Variants in GULP1 observed in about 807,000 individuals in gnomAD.
The protein encoded by GULP1 is GULP PTB domain containing engulfment adaptor 1, also known as PTB domain-containing engulfment adapter protein 1.
A neutral mutation model predicts 40.9 loss-of-function variants in GULP1; 19 were observed. The ratio of observed to expected loss-of-function variants is 0.46; its 90% CI spans 0.32 to 0.68. The LOEUF (loss-of-function observed/expected upper bound fraction) is 0.68, where lower values mean the gene tolerates loss of function less well. GULP1 is among the 30% of genes least tolerant of loss of function. The probability of loss-of-function intolerance (pLI) is 0.03; values close to 1 mark genes in which losing one functional copy is unlikely to be tolerated. For synonymous variants in GULP1, 119 were observed against 117.6 expected (o/e 1.01, Z -0.08); for missense variants, 312 against 362.2 (o/e 0.86, Z 1.12).
intron 1 of GULP1, among the ~76,000 whole-genome samples, chr2:188,316,230 C>G (rs2039062103): frequency 6.6e-6 from 1 of 152,118 alleles, no homozygotes; most frequent in African/African-American, 2.4e-5. Context: ...ATAAAACTGA[C>G]AAGTTTCATC....
intron 9 of GULP1, chr2:188,582,245 CA>C: frequency 2.5e-6 from 1 of 394,584 alleles, no homozygotes; most frequent in Non-Finnish European, 5.2e-6. Flanking sequence ...ATCATCTTAA[CA>C]AAACACCATT....
chr2:188,402,274 G>A (rs72909576), intron 2 of GULP1, among the ~76,000 whole-genome samples: 1,852 of 152,138 alleles, frequency 0.012, 15 homozygotes, highest in East Asian at 0.022. Context: ...TGTTCTTCAC[G>A]TTTTTGATCA....
At chr2:188,327,127 T>C (rs2040860861) in intron 1 of GULP1, among the ~76,000 whole-genome samples, 1 of 152,192 alleles carries the variant, frequency 6.6e-6, no homozygotes, top group African/African-American at 2.4e-5. Flanking sequence ...AGCACAAGTT[T>C]ACATTTTGCA....
At chr2:188,536,079 T>C (rs185571490) in intron 6 of GULP1, among the ~76,000 whole-genome samples, 31 of 152,288 alleles carry the variant, frequency 2.0e-4, no homozygotes, top group Non-Finnish European at 3.7e-4. Context: ...AAGTTTCTTA[T>C]AGAACCTGGG....
chr2:188,464,687 A>C (rs1040116044), intron 2 of GULP1, among the ~76,000 whole-genome samples: 1 of 152,094 alleles, frequency 6.6e-6, no homozygotes, highest in African/African-American at 2.4e-5. Flanking sequence ...TTGTTGTTCT[A>C]TTGTACTGTG....
chr2:188,374,319 T>C (rs2048011057), intron 1 of GULP1, among the ~76,000 whole-genome samples: 1 of 152,116 alleles, frequency 6.6e-6, no homozygotes, highest in Non-Finnish European at 1.5e-5. Context: ...CATTAGTAAA[T>C]AATACATACA....
chr2:188,534,990 A>G (rs919125613), intron 6 of GULP1, among the ~76,000 whole-genome samples: 6 of 151,492 alleles, frequency 4.0e-5, no homozygotes, highest in Admixed American at 4.0e-4. Flanking sequence ...ATTTCCTATT[A>G]TTAAGACTTT....
chr2:188,322,972 T>C (rs2040211248), intron 1 of GULP1, among the ~76,000 whole-genome samples: 1 of 152,150 alleles, frequency 6.6e-6, no homozygotes, highest in African/African-American at 2.4e-5. Flanking sequence ...CTCTACCATC[T>C]GCACTGTGCT....
At chr2:188,398,264 C>A (rs192499118) in intron 2 of GULP1, among the ~76,000 whole-genome samples, 14 of 152,082 alleles carry the variant, frequency 9.2e-5, no homozygotes, top group Middle Eastern at 3.2e-3. Flanking sequence ...TCTGGCTTCC[C>A]GAACTATGAG....
At chr2:188,546,648 A>T (rs538770108) in intron 7 of GULP1, among the ~76,000 whole-genome samples, 148 of 152,202 alleles carry the variant, frequency 9.7e-4, no homozygotes, top group Non-Finnish European at 1.6e-3. Context: ...CCCATCTCAA[A>T]TACACAGAAC....
rs76017243 is a variant in GULP1 at position 188,310,035 on chromosome 2, C to T, written c.-172+17869C>T. On this transcript the variant is annotated intron_variant, in intron 1 of 11. Coordinates refer to ENST00000409830, the MANE Select transcript of GULP1 (RefSeq NM_016315.4). ...GTTTTAAAGTAAACCTTCTATATTT[C>T]AGTTACAATGAGGCAATTTCAATCC... Among the ~76,000 whole-genome samples the T allele has an allele frequency of 5.9e-3, 903 of 152,228 alleles. 6 individuals carry two copies. The highest frequency in any genetic ancestry group is 0.02 in the African/African-American group (841 of 41,530).
At chr2:188,504,508 A>G (rs1396093035) in intron 4 of GULP1, among the ~76,000 whole-genome samples, 4 of 151,946 alleles carry the variant, frequency 2.6e-5, no homozygotes, top group African/African-American at 9.7e-5. Flanking sequence ...ATCAGAATAT[A>G]AAGGCAAAGG....
chr2:188,583,091 A>G (rs1701648798), intron 9 of GULP1, among the ~76,000 whole-genome samples: 1 of 152,168 alleles, frequency 6.6e-6, no homozygotes, highest in Non-Finnish European at 1.5e-5. Context: ...GTAGAGATAT[A>G]GAAGTGAGAG....
At chr2:188,356,571 A>G (rs937064093) in intron 1 of GULP1, among the ~76,000 whole-genome samples, 10 of 152,160 alleles carry the variant, frequency 6.6e-5, no homozygotes, top group Non-Finnish European at 1.2e-4. Flanking sequence ...ATCCATGTTT[A>G]TGGATTAACA....
intron 2 of GULP1, among the ~76,000 whole-genome samples, chr2:188,452,799 G>C (rs945526067): frequency 7.2e-5 from 11 of 152,000 alleles, no homozygotes; most frequent in African/African-American, 2.7e-4. Context: ...TGTTTCTAGA[G>C]GTAGAATTTG....
chr2:188,480,789 TTAAG>T (rs1259136430), intron 3 of GULP1, among the ~76,000 whole-genome samples: 16 of 151,990 alleles, frequency 1.1e-4, no homozygotes, highest in South Asian at 4.1e-4. Context: ...GAATAAATGA[TTAAG>T]TAATTCAACT....
intron 1 of GULP1, among the ~76,000 whole-genome samples, chr2:188,298,453 G>A (rs2035462767): frequency 6.6e-6 from 1 of 151,948 alleles, no homozygotes; most frequent in Non-Finnish European, 1.5e-5. Context: ...AATTTTATTT[G>A]AAATTACGTA....
At chr2:188,422,531 G>A (rs2055589585) in intron 2 of GULP1, among the ~76,000 whole-genome samples, 1 of 151,670 alleles carries the variant, frequency 6.6e-6, no homozygotes. Flanking sequence ...TAGCGAACAT[G>A]TAATTTAATA....
At chr2:188,349,065 T>C (rs1274570172) in intron 1 of GULP1, among the ~76,000 whole-genome samples, 1 of 152,202 alleles carries the variant, frequency 6.6e-6, no homozygotes, top group African/African-American at 2.4e-5. Flanking sequence ...ATTCAAAGTT[T>C]TGTTATTTTT....
Sources: allele counts gnomAD v4.1 joint callset (sites outside exome capture counted in the v4.1 genomes callset), GRCh38; gene constraint gnomAD v4.1.1; transcripts MANE v1.5; gene names NCBI Gene and HGNC (gene_info 2026-07-23, HGNC 2026-07-21).